Variants in CCN4 observed in about 807,000 individuals in gnomAD.
CCN4 encodes CCN family member 4.
Under a neutral mutation model 36.7 loss-of-function variants are expected in CCN4, and 30 were observed. The ratio of observed to expected loss-of-function variants is 0.82; its 90% CI spans 0.61 to 1.11. The LOEUF is 1.11. CCN4 is among the 50% of genes least tolerant of loss of function. The pLI, the probability that CCN4 is intolerant of heterozygous loss-of-function variation, is 0.00. For missense variants in CCN4, 505 were observed against 504.9 expected, an observed-to-expected ratio of 1.00 and a Z score of 0.00; for synonymous variants, 191 against 195.4, an observed-to-expected ratio of 0.98 and a Z score of 0.19.
At chr8:133,218,178 A>T (rs902355153) in intron 2 of CCN4, among the ~76,000 whole-genome samples, 2 of 152,130 alleles carry the variant, frequency 1.3e-5, no homozygotes, top group South Asian at 2.1e-4. Flanking sequence ...CGAATCATTT[A>T]ACCTCTCTGA....
At chr8:133,223,548 C>G (rs1423867177) in intron 3 of CCN4, among the ~76,000 whole-genome samples, 2 of 152,098 alleles carry the variant, frequency 1.3e-5, no homozygotes, top group African/African-American at 4.8e-5. Context: ...AGTTAGATTT[C>G]TCTTCTTTTC....
At chr8:133,195,673 T>C (rs925842559) in intron 1 of CCN4, among the ~76,000 whole-genome samples, 2 of 151,544 alleles carry the variant, frequency 1.3e-5, no homozygotes, top group African/African-American at 4.9e-5. Context: ...GGAGAAGGAG[T>C]GGGCACGGGA....
Position 133,213,142 on chromosome 8 carries a change from A to C in CCN4, c.348A>C (p.Ala116=), listed in dbSNP as rs780465263. Residue 116 remains alanine, a splice_region_variant and synonymous_variant, in exon 2 of 5, where the codon GCA becomes GCC. Transcript: ENST00000250160. ...DRPRYAIGVC[A]QVVGVGCVLD... is the part of the protein sequence containing the mutation. ...CGAGGTACGCAATAGGAGTGTGTGC[A>C]CGTAAGTGAGTCCTCCATACCTTCT... The C allele has an allele frequency of 8.8e-6, 13 of 1,469,526 alleles. No individual in the cohort carries two copies. Among genetic ancestry groups the C allele is most frequent in the Non-Finnish European group, 1.2e-5 (13 of 1,111,734 alleles). 91.0% of individuals were successfully genotyped at this position (1,469,526 alleles called of 1,614,324 possible).
chr8:133,231,635 T>A lies in CCN4; in HGVS notation c.*3925T>A, dbSNP rs1345869764. 1.3e-5 allele frequency: 2 copies of A among 152,158 alleles called. No homozygotes were observed. Among genetic ancestry groups the A allele is most frequent in the Non-Finnish European group, 2.9e-5 (2 of 68,032 alleles). The allele number at this position is 152,158 out of a possible 1,614,324, so 9.4% of individuals were successfully genotyped here. A position where few individuals can be genotyped will look rare whatever the true frequency, so the allele number is the denominator to read the frequency against. ...GTGGCTTTTCTTGTACAGGCAGTTG[T>A]TATGAGACAATGATGGAGCATTGAG... On this transcript the variant is annotated 3_prime_UTR_variant, in exon 5 of 5. Coordinates refer to ENST00000250160, the MANE Select transcript of CCN4 (RefSeq NM_003882.4).
chr8:133,226,863 A>C (rs147049631), intron 4 of CCN4, among the ~76,000 whole-genome samples: 1 of 152,356 alleles, frequency 6.6e-6, no homozygotes, highest in African/African-American at 2.4e-5. Context: ...ATACCACAGA[A>C]ACACAGAAAG....
chr8:133,203,078 C>T (rs1853646375), intron 1 of CCN4, among the ~76,000 whole-genome samples: 1 of 152,242 alleles, frequency 6.6e-6, no homozygotes, highest in Admixed American at 6.5e-5. Flanking sequence ...ACCCTGCCCC[C>T]TGGTGGAGTA....
intron 1 of CCN4, among the ~76,000 whole-genome samples, chr8:133,196,196 C>T (rs1248950273): frequency 6.6e-6 from 1 of 152,204 alleles, no homozygotes; most frequent in Admixed American, 6.5e-5. Context: ...TTTGCACACA[C>T]CTATGAGGCA....
At chr8:133,206,067 C>A (rs1003449411) in intron 1 of CCN4, among the ~76,000 whole-genome samples, 12 of 152,164 alleles carry the variant, frequency 7.9e-5, no homozygotes, top group Non-Finnish European at 1.8e-4. Flanking sequence ...ACCACAGGTG[C>A]GGCATGGGAG....
intron 1 of CCN4, among the ~76,000 whole-genome samples, chr8:133,200,549 G>C (rs561204247): frequency 6.6e-6 from 1 of 152,326 alleles, no homozygotes; most frequent in African/African-American, 2.4e-5. Context: ...GGTTACATAT[G>C]GTTATTTGAA....
intron 1 of CCN4, among the ~76,000 whole-genome samples, chr8:133,210,406 TGTG>T (rs1853969658): frequency 7.6e-6 from 1 of 131,532 alleles, no homozygotes; most frequent in African/African-American, 2.5e-5. Flanking sequence ...TGTGTGTGTG[TGTG>T]TGTGTGTGTG....
At chr8:133,208,408 A>G (rs1042934422) in intron 1 of CCN4, among the ~76,000 whole-genome samples, 17 of 152,196 alleles carry the variant, frequency 1.1e-4, no homozygotes, top group African/African-American at 4.1e-4. Context: ...CCTGGACTGG[A>G]TACAGTGTGG....
chr8:133,221,966 G>C (rs1854548648), intron 3 of CCN4, among the ~76,000 whole-genome samples: 1 of 150,306 alleles, frequency 6.7e-6, no homozygotes, highest in Admixed American at 6.6e-5. Context: ...AAGTAGACGA[G>C]GGGACAGATG....
intron 2 of CCN4, among the ~76,000 whole-genome samples, chr8:133,216,280 G>A (rs1015101219): frequency 2.0e-5 from 3 of 152,164 alleles, no homozygotes; most frequent in Admixed American, 2.0e-4. Context: ...GGCTAAATCT[G>A]TCCTTAAAGA....
chr8:133,222,039 GTAGA>G (rs953235970), intron 3 of CCN4, among the ~76,000 whole-genome samples: 3 of 148,470 alleles, frequency 2.0e-5, no homozygotes, highest in African/African-American at 7.5e-5. Flanking sequence ...GGATGAATAG[GTAGA>G]TAGATGTATA....
At chr8:133,207,994 G>GATTTTTTTTTT (rs1853842963) in intron 1 of CCN4, among the ~76,000 whole-genome samples, 1 of 141,666 alleles carries the variant, frequency 7.1e-6, no homozygotes, top group South Asian at 2.3e-4. Context: ...CCTTTCAGCT[G>GATTTTTTTTTT]TTTTTTTTTT....
At chr8:133,194,954 CTGTGTA>C (rs1853315685) in intron 1 of CCN4, among the ~76,000 whole-genome samples, 1 of 76,380 alleles carries the variant, frequency 1.3e-5, no homozygotes, top group Non-Finnish European at 2.6e-5. Context: ...TGTGTGGTGT[CTGTGTA>C]TGTGTGTGGT....
chr8:133,220,604 C>G lies in CCN4; in HGVS notation c.373C>G (p.Leu125Val). Residue 125 changes from leucine (L) to valine (V), a missense_variant, in exon 3 of 5, where the codon CTG becomes GTG. Leu to Val is a conservative substitution (Grantham distance 32). Coordinates refer to ENST00000250160, the MANE Select transcript of CCN4 (RefSeq NM_003882.4). ...CAQVVGVGCV[L>V]DGVRYNNGQS... ...AGAGGTGGTCGGTGTGGGCTGCGTC[C>G]TGGATGGGGTGCGCTACAACAACGG... is the stretch of plus-strand genomic sequence containing the variant. 6.2e-7 allele frequency: 1 copy of G among 1,614,090 alleles called. No homozygotes were observed. The highest frequency in any genetic ancestry group is 8.5e-7 in the Non-Finnish European group (1 of 1,179,946).
At position 133,228,454 on chromosome 8, in the gene CCN4, G is replaced by A. The variant is rs2929969; in HGVS notation, c.*744G>A. On this transcript the variant is annotated 3_prime_UTR_variant, in exon 5 of 5. Coordinates refer to ENST00000250160, the MANE Select transcript of CCN4 (RefSeq NM_003882.4). ...TCCAGAGACAGGGAAAGGTCAGCCC[G>A]TTTCAGAAGGACCAATTGACTCTCA... The A allele has an allele frequency of 0.84, 127,505 of 152,162 alleles. 53,693 individuals are homozygous for A. Among genetic ancestry groups the A allele is most frequent in the Middle Eastern group, 0.9 (265 of 294 alleles). The allele number at this position is 152,162 out of a possible 1,614,324, so 9.4% of individuals were successfully genotyped here. A position where few individuals can be genotyped will look rare whatever the true frequency, so the allele number is the denominator to read the frequency against.
At chr8:133,222,404 G>A (rs1195252032) in intron 3 of CCN4, among the ~76,000 whole-genome samples, 4 of 152,114 alleles carry the variant, frequency 2.6e-5, no homozygotes, top group Non-Finnish European at 4.4e-5. Context: ...GTTTGAAACA[G>A]ACTGAGTTTA....
Sources: gnomAD v4.1 joint callset for allele counts (sites outside exome capture counted in the v4.1 genomes callset) on GRCh38, gnomAD v4.1.1 for gene constraint, MANE v1.5 for transcripts, NCBI Gene and HGNC (gene_info 2026-07-23, HGNC 2026-07-21) for gene names.